The following GPR158 variants were observed in gnomAD, a reference collection of about 807,000 sequenced individuals.
GPR158 encodes G protein-coupled receptor 158.
GPR158 carries 30 observed loss-of-function variants against 78.2 expected under a neutral mutation model. The ratio of observed to expected loss-of-function variants is 0.38; its 90% CI spans 0.29 to 0.52. The LOEUF is 0.52. Ranked by LOEUF, GPR158 falls within the 20% of genes least tolerant of loss-of-function variation. The pLI, the probability that GPR158 is intolerant of heterozygous loss-of-function variation, is 0.83. For synonymous variants in GPR158, 581 were observed against 591.1 expected, an observed-to-expected ratio of 0.98 and a Z score of 0.25; for missense variants, 1,463 against 1,523.5, an observed-to-expected ratio of 0.96 and a Z score of 0.66.
At chr10:25,295,708 C>T (rs1323760459) in intron 2 of GPR158, among the ~76,000 whole-genome samples, 6 of 152,116 alleles carry the variant, frequency 3.9e-5, no homozygotes, top group Admixed American at 2.0e-4. Flanking sequence ...CCACCGCGCC[C>T]GGCCTGACTT....
chr10:25,292,874 A>G (rs567151403), intron 2 of GPR158, among the ~76,000 whole-genome samples: 1 of 152,336 alleles, frequency 6.6e-6, no homozygotes, highest in Non-Finnish European at 1.5e-5. Flanking sequence ...GTCTAAATCT[A>G]TATGGTTCAT....
Position 25,421,202 on chromosome 10 carries a change from C to T in GPR158, c.1335+8729C>T, listed in dbSNP as rs185909263. ...TGGTTAAATTTATTCCTAAGTATTA[C>T]GATATATCACTTTTTATAAATAGGT... On this transcript the variant is annotated intron_variant, in intron 4 of 10. Coordinates refer to ENST00000376351, the MANE Select transcript of GPR158 (RefSeq NM_020752.3). Among the ~76,000 whole-genome samples the T allele has an allele frequency of 5.7e-3, 862 of 152,138 alleles. 7 individuals are homozygous for T. Among genetic ancestry groups the T allele is most frequent in the African/African-American group, 0.019 (776 of 41,522 alleles).
At chr10:25,434,152 C>G (rs1455376697) in intron 4 of GPR158, among the ~76,000 whole-genome samples, 1 of 152,052 alleles carries the variant, frequency 6.6e-6, no homozygotes, top group Non-Finnish European at 1.5e-5. Flanking sequence ...CACAGCAAGA[C>G]TCTGTCTCAA....
chr10:25,234,699 T>G (rs1452957114), intron 2 of GPR158, among the ~76,000 whole-genome samples: 4 of 152,232 alleles, frequency 2.6e-5, no homozygotes, highest in Non-Finnish European at 5.9e-5. Flanking sequence ...TGAGTAGTGC[T>G]GATTGTTAAT....
intron 7 of GPR158, among the ~76,000 whole-genome samples, chr10:25,574,622 C>T (rs1837062182): frequency 6.6e-6 from 1 of 152,184 alleles, no homozygotes; most frequent in Non-Finnish European, 1.5e-5. Context: ...CGTGGTGACT[C>T]ACGCCTGTAA....
chr10:25,240,670 A>G (rs779809609), intron 2 of GPR158, among the ~76,000 whole-genome samples: 9 of 152,238 alleles, frequency 5.9e-5, no homozygotes, highest in Non-Finnish European at 1.2e-4. Flanking sequence ...GGGAAATGGA[A>G]TAAGCAGAAC....
At chr10:25,309,192 C>A (rs963660766) in intron 2 of GPR158, among the ~76,000 whole-genome samples, 1 of 150,464 alleles carries the variant, frequency 6.6e-6, no homozygotes, top group Non-Finnish European at 1.5e-5. Context: ...AGAGTTTCAA[C>A]TTTGCCATAG....
rs1007821154 is a variant in GPR158, at chr10:25,576,588, G to A, written c.1753+3701G>A. Among the ~76,000 whole-genome samples the A allele has an allele frequency of 1.5e-4, 23 of 152,284 alleles. No homozygotes were observed. The East Asian group carries it at 4.1e-3, about 27-fold the overall frequency. Reference sequence around the variant, plus strand: ...AGTAATGACGACCCTGAGATAGATAGTGCAAAAGAAAATGAAGATTCATAG... The same window carrying A: ...AGTAATGACGACCCTGAGATAGATAATGCAAAAGAAAATGAAGATTCATAG... On this transcript the variant is annotated intron_variant, in intron 7 of 10. Transcript: ENST00000376351.
chr10:25,401,722 A>G (rs1033068529), intron 3 of GPR158, among the ~76,000 whole-genome samples: 2 of 152,122 alleles, frequency 1.3e-5, no homozygotes, highest in Non-Finnish European at 2.9e-5. Flanking sequence ...AAATTTGACT[A>G]TTAATTAGCT....
chr10:25,445,731 C>T (rs1045346642), intron 4 of GPR158, among the ~76,000 whole-genome samples: 4 of 149,758 alleles, frequency 2.7e-5, no homozygotes, highest in African/African-American at 4.9e-5. Context: ...GTAGTGGCGG[C>T]GAGAGAGAGA....
chr10:25,414,719 T>G (rs997217573), intron 4 of GPR158, among the ~76,000 whole-genome samples: 2 of 152,162 alleles, frequency 1.3e-5, no homozygotes, highest in Admixed American at 6.5e-5. Flanking sequence ...CTTGATGATC[T>G]CTTTTGTAGC....
At chr10:25,195,746 T>C (rs1852835559) in intron 1 of GPR158, among the ~76,000 whole-genome samples, 1 of 152,174 alleles carries the variant, frequency 6.6e-6, no homozygotes, top group Admixed American at 6.5e-5. Flanking sequence ...TATGGAACAC[T>C]CAAACACATT....
intron 2 of GPR158, among the ~76,000 whole-genome samples, chr10:25,281,546 C>T (rs1012105156): frequency 6.6e-6 from 1 of 152,034 alleles, no homozygotes; most frequent in Non-Finnish European, 1.5e-5. Context: ...CCACTGCACT[C>T]CAGCCTGCGT....
At chr10:25,432,897 G>T (rs561155808) in intron 4 of GPR158, among the ~76,000 whole-genome samples, 4 of 152,154 alleles carry the variant, frequency 2.6e-5, no homozygotes, top group South Asian at 2.1e-4. Context: ...CTGTTCCAGT[G>T]TGGGGTTGGT....
At chr10:25,276,947 ATT>A (rs750990710) in intron 2 of GPR158, among the ~76,000 whole-genome samples, 24 of 139,344 alleles carry the variant, frequency 1.7e-4, no homozygotes, top group South Asian at 4.6e-4. Context: ...GCATCCAACT[ATT>A]TTTTTTTTTT....
intron 7 of GPR158, among the ~76,000 whole-genome samples, chr10:25,584,043 A>T (rs954684579): frequency 6.6e-6 from 1 of 152,228 alleles, no homozygotes; most frequent in Non-Finnish European, 1.5e-5. Flanking sequence ...CTTATAGTAT[A>T]TTAATTTTTC....
At chr10:25,401,006 G>T (rs550501649) in intron 3 of GPR158, among the ~76,000 whole-genome samples, 1 of 152,282 alleles carries the variant, frequency 6.6e-6, no homozygotes, top group Admixed American at 6.5e-5. Context: ...ACAGTTTAGG[G>T]ATTCTGGCTG....
At chr10:25,379,952 G>A (rs371455921) in intron 2 of GPR158, among the ~76,000 whole-genome samples, 1 of 135,582 alleles carries the variant, frequency 7.4e-6, no homozygotes. Flanking sequence ...GCTTTCTTAT[G>A]CCTCTCCATA....
At chr10:25,481,510 A>G (rs1377004247) in intron 5 of GPR158, among the ~76,000 whole-genome samples, 1 of 152,180 alleles carries the variant, frequency 6.6e-6, no homozygotes, top group African/African-American at 2.4e-5. Flanking sequence ...GGTGTATGAG[A>G]AAGTTAAACC....
Sources: allele counts gnomAD v4.1 joint callset (sites outside exome capture counted in the v4.1 genomes callset), GRCh38; gene constraint gnomAD v4.1.1; transcripts MANE v1.5; gene names NCBI Gene and HGNC (gene_info 2026-07-23, HGNC 2026-07-21).